RAB7B: variants seen among roughly 807,000 people sequenced by gnomAD.
RAB7B encodes RAB7B, member RAS oncogene family.
chr1:205,988,233 T>G (rs1660648982), intron 4 of RAB7B, among the ~76,000 whole-genome samples: 1 of 27,670 alleles, frequency 3.6e-5, no homozygotes, highest in African/African-American at 4.8e-5. Flanking sequence ...TGTGTGGGTT[T>G]TTTTTTTTTT....
intron 5 of RAB7B, among the ~76,000 whole-genome samples, chr1:205,982,325 A>G (rs1200123452): frequency 6.6e-6 from 1 of 152,144 alleles, no homozygotes; most frequent in Non-Finnish European, 1.5e-5. Flanking sequence ...GCATTTGATC[A>G]TCATCAGCTC....
intron 5 of RAB7B, chr1:205,983,838 C>A (rs1292639757): frequency 6.6e-6 from 1 of 152,234 alleles, no homozygotes; most frequent in African/African-American, 2.4e-5. Flanking sequence ...CATGTCATAA[C>A]AGCGACACAG....
rs1329964889 is a variant in RAB7B at position 205,978,284 on chromosome 1, C to A, written c.*567G>T. 1 of 152,220 alleles carries A rather than the reference C, an allele frequency of 6.6e-6. No individual in the cohort carries two copies. Among genetic ancestry groups the A allele is most frequent in the African/African-American group, 2.4e-5 (1 of 41,438 alleles). 9.4% of individuals were successfully genotyped at this position (152,220 alleles called of 1,614,324 possible). ...GCTTCTCCTGTGCTCCCTCAGTCTT[C>A]TACCCTGGAGGGAGCAGAGGGGGTC... On this transcript the variant is annotated 3_prime_UTR_variant, in exon 6 of 6. Coordinates refer to ENST00000617070, the MANE Select transcript of RAB7B (RefSeq NM_001164522.3).
intron 1 of RAB7B, among the ~76,000 whole-genome samples, chr1:205,999,824 G>C (rs1458981233): frequency 6.6e-6 from 1 of 152,224 alleles, no homozygotes; most frequent in Non-Finnish European, 1.5e-5. Flanking sequence ...CTGGAGTGCA[G>C]TGGCATGATC....
chr1:205,996,674 C>T (rs954021778), intron 1 of RAB7B, among the ~76,000 whole-genome samples: 2 of 152,196 alleles, frequency 1.3e-5, no homozygotes, highest in Non-Finnish European at 2.9e-5. Flanking sequence ...CTGTATTCAT[C>T]TGTTCTCATG....
At chr1:206,000,147 A>G (rs1248099512) in intron 1 of RAB7B, among the ~76,000 whole-genome samples, 2 of 152,332 alleles carry the variant, frequency 1.3e-5, no homozygotes, top group African/African-American at 4.8e-5. Flanking sequence ...AAAAAAGAAA[A>G]TCACTGAACG....
chr1:206,003,146 T>C (rs1246863281), intron 1 of RAB7B, 107 bp downstream of exon 1: 1 of 152,362 alleles, frequency 6.6e-6, no homozygotes, highest in Admixed American at 6.5e-5. Context: ...AGATTGGAAA[T>C]CTCATCCTTG....
At position 205,978,770 on chromosome 1, in the gene RAB7B, A is replaced by C. The variant is rs965366750; in HGVS notation, c.*81T>G. On this transcript the variant is annotated 3_prime_UTR_variant, in exon 6 of 6. Transcript: ENST00000617070. ...GGGCAGGCAGTGGGGCTGGAGGGGG[A>C]TGGTCACCTGTTCTCAAGCCTGGGG... 2.5e-6 allele frequency: 1 copy of C among 395,752 alleles called. No individual in the cohort carries two copies. The highest frequency in any genetic ancestry group is 3.6e-5 in the East Asian group (1 of 27,868). The allele number at this position is 395,752 out of a possible 1,614,324, so 24.5% of individuals were successfully genotyped here.
Position 205,987,809 on chromosome 1 carries a change from C to A in RAB7B, c.397-2144G>T, listed in dbSNP as rs911859603. 1.1e-4 allele frequency among the ~76,000 whole-genome samples: 16 copies of A among 152,056 alleles called. No individual in the cohort carries two copies. The South Asian group carries it at 2.3e-3, about 22-fold the overall frequency. On this transcript the variant is annotated intron_variant, in intron 4 of 5. Transcript: ENST00000617070. ...TTTTTTTAAACTAAATCAGTAATTT[C>A]TTTAAAATTATTCTGGCTATATATG...
At chr1:205,987,976 C>T (rs1161034424) in intron 4 of RAB7B, among the ~76,000 whole-genome samples, 83 of 152,090 alleles carry the variant, frequency 5.5e-4, no homozygotes, top group Non-Finnish European at 1.2e-4. Flanking sequence ...AACTCCTGAC[C>T]TCAAGTGATT....
intron 5 of RAB7B, among the ~76,000 whole-genome samples, chr1:205,981,652 A>ATGT: frequency 3.4e-5 from 5 of 146,822 alleles, no homozygotes; most frequent in Non-Finnish European, 3.0e-5. Context: ...CTCTTTCAGA[A>ATGT]TATTAACTGA....
chr1:205,990,761 G>A (rs1660707222), intron 4 of RAB7B, among the ~76,000 whole-genome samples: 1 of 151,356 alleles, frequency 6.6e-6, no homozygotes, highest in Non-Finnish European at 1.5e-5. Flanking sequence ...TCTCAGGCCA[G>A]AGAGTGCAAG....
At chr1:205,998,312 T>G (rs1660839894) in intron 1 of RAB7B, among the ~76,000 whole-genome samples, 3 of 152,270 alleles carry the variant, frequency 2.0e-5, no homozygotes, top group Admixed American at 1.3e-4. Context: ...GCCGAGATCA[T>G]GCCACTGCCC....
chr1:205,997,029 T>A (rs1336656599), intron 1 of RAB7B, among the ~76,000 whole-genome samples: 3 of 152,156 alleles, frequency 2.0e-5, no homozygotes, highest in African/African-American at 7.2e-5. Flanking sequence ...AGCCAAACCA[T>A]ATCATAGACC....
chr1:205,996,954 C>A (rs1660819694), intron 1 of RAB7B, among the ~76,000 whole-genome samples: 1 of 152,208 alleles, frequency 6.6e-6, no homozygotes, highest in East Asian at 1.9e-4. Context: ...CACAAGGTCT[C>A]TTCCCCAACA....
intron 4 of RAB7B, 50 bp from the exon 5 acceptor site, chr1:205,985,715 A>C (rs1279785749): frequency 3.7e-5 from 3 of 81,236 alleles, no homozygotes; most frequent in Admixed American, 1.9e-4. Flanking sequence ...CATCGCCATC[A>C]CCACCATTGC....
At chr1:205,980,863 T>C (rs1660480395) in intron 5 of RAB7B, among the ~76,000 whole-genome samples, 1 of 98,940 alleles carries the variant, frequency 1.0e-5, no homozygotes, top group African/African-American at 3.9e-5. Context: ...TTCCTCCCCT[T>C]CCCCTCCCCC....
chr1:205,999,941 A>G (rs971445059), intron 1 of RAB7B, among the ~76,000 whole-genome samples: 5 of 151,762 alleles, frequency 3.3e-5, no homozygotes, highest in African/African-American at 9.7e-5. Context: ...CAGATTTTTT[A>G]TTTTTCATTT....
intron 1 of RAB7B, among the ~76,000 whole-genome samples, chr1:206,002,365 A>G (rs952809007): frequency 0.98 from 149,529 of 152,304 alleles, 73,411 homozygotes; most frequent in East Asian, 1. Context: ...TCCATGCCTG[A>G]AGGGCAGGGC....
Sources: gnomAD v4.1 joint callset for allele counts (sites outside exome capture counted in the v4.1 genomes callset) on GRCh38, gnomAD v4.1.1 for gene constraint, MANE v1.5 for transcripts, NCBI Gene and HGNC (gene_info 2026-07-23, HGNC 2026-07-21) for gene names.